DNM1: variants seen among roughly 807,000 people sequenced by gnomAD.
DNM1 encodes the protein dynamin 1, also known as dynamin-1.
DNM1 carries 29 observed loss-of-function variants against 104.6 expected under a neutral mutation model. The ratio of observed to expected loss-of-function variants is 0.28; its 90% CI spans 0.21 to 0.38. The LOEUF is 0.38. DNM1 is among the 10% of genes least tolerant of loss of function. The pLI is 1.00. For synonymous variants in DNM1, 445 were observed against 475.8 expected (o/e 0.94, Z 0.84); for missense variants, 640 against 1,189.4 (o/e 0.54, Z 6.79).
Position 128,218,583 on chromosome 9 carries a change from A to G in DNM1, c.237A>G (p.Glu79=). The G allele has an allele frequency of 6.2e-7, 1 of 1,610,062 alleles. No individual in the cohort carries two copies. Among genetic ancestry groups the G allele is most frequent in the Non-Finnish European group, 8.5e-7 (1 of 1,177,054 alleles). The part of the protein sequence containing the change: ...LVLQLVNATT[E]YAEFLHCKGK... ...TTCCCCTGCCCGCTTCTGGAGCAGA[A>G]TATGCCGAGTTCCTGCACTGCAAGG... is the stretch of plus-strand genomic sequence containing the variant. Residue 79 remains glutamate, a splice_region_variant and synonymous_variant, in exon 3 of 22, where the codon GAA becomes GAG. Coordinates refer to ENST00000372923, the MANE Select transcript of DNM1 (RefSeq NM_004408.4). This position sits in a 1 kb window ranked among gnomAD's most constrained non-coding sequence, Gnocchi z 4.8.
At chr9:128,213,230 C>T (rs563197908) in intron 1 of DNM1, among the ~76,000 whole-genome samples, 15 of 152,146 alleles carry the variant, frequency 9.9e-5, no homozygotes, top group South Asian at 8.3e-4. Context: ...TACAGGCGCA[C>T]GCCACCACAC....
intron 1 of DNM1, among the ~76,000 whole-genome samples, chr9:128,216,258 G>A (rs1313034276): frequency 6.6e-6 from 1 of 152,192 alleles, no homozygotes; most frequent in Admixed American, 6.5e-5. Flanking sequence ...TTGGGTTTGA[G>A]ACAGCACCAT....
At chr9:128,246,335 G>A in intron 15 of DNM1, 59 bp from the exon 16 acceptor site, 1 of 1,170,904 alleles carries the variant, frequency 8.5e-7, no homozygotes, top group Admixed American at 1.7e-5. Context: ...CTCTTAGAGA[G>A]TGAGGTGTGG....
chr9:128,205,237 C>A (rs1426241698), intron 1 of DNM1, among the ~76,000 whole-genome samples: 2 of 152,174 alleles, frequency 1.3e-5, no homozygotes, highest in Non-Finnish European at 2.9e-5. Flanking sequence ...AATGGAGAAA[C>A]CATATTCCTA....
In DNM1 at chr9:128,218,565, G is replaced by A. The variant is rs1167550931; in HGVS notation, c.236-17G>A. The A allele has an allele frequency of 1.2e-6, 2 of 1,602,026 alleles. No individual in the cohort carries two copies. The highest frequency in any genetic ancestry group is 2.2e-5 in the East Asian group (1 of 44,582). On this transcript the variant is annotated splice_polypyrimidine_tract_variant and intron_variant, in intron 2 of 21. Coordinates refer to ENST00000372923, the MANE Select transcript of DNM1 (RefSeq NM_004408.4). This position sits in a 1 kb window ranked among gnomAD's most constrained non-coding sequence, Gnocchi z 4.8. ...CCTTGATGCCTACTGCCCTTCCCCT[G>A]CCCGCTTCTGGAGCAGAATATGCCG... is the stretch of plus-strand genomic sequence containing the variant.
At position 128,220,267 on chromosome 9, in the gene DNM1, T is replaced by C. The variant is rs1431736054; in HGVS notation, c.775T>C (p.Phe259Leu). The C allele has an allele frequency of 1.2e-6, 2 of 1,614,128 alleles. No individual in the cohort carries two copies. The highest frequency in any genetic ancestry group is 2.7e-5 in the African/African-American group (2 of 74,948). Residue 259 changes from phenylalanine to leucine, a missense_variant, in exon 6 of 22, where the codon TTC becomes CTC. By Grantham distance (22) the Phe-to-Leu change is conservative. Coordinates refer to ENST00000372923, the MANE Select transcript of DNM1 (RefSeq NM_004408.4). The surrounding 1 kb of genome is among the most constrained non-coding windows in gnomAD (Gnocchi z 5.2). ...CGCCTTGGCTGCTGAACGAAAGTTC[T>C]TCCTCTCCCATCCATCTTATCGCCA... ...TAALAAERKF[F>L]LSHPSYRHLA...
Position 128,214,458 on chromosome 9 carries a change from G to T in DNM1, c.162-3773G>T, listed in dbSNP as rs945424813. 2.0e-5 allele frequency among the ~76,000 whole-genome samples: 3 copies of T among 152,262 alleles called. No individual in the cohort carries two copies. In the South Asian group the frequency reaches 6.2e-4, roughly 32 times the overall value. ...GAAGAATGACCGGCACTGGGTGCAC[G>T]CCCAGTTAAGCACGTTACTTCCTGG... On this transcript the variant is annotated intron_variant, in intron 1 of 21. Transcript: ENST00000372923.
In DNM1 at chr9:128,240,132, C is replaced by G; in HGVS notation, c.1557+136C>G. The stretch of plus-strand genomic sequence containing the variant: ...ACACACCAGCCCCTGGCATTTCACA[C>G]CTGCCCTCAGGCCAGAGGCAGGCCC... On this transcript the variant is annotated intron_variant, in intron 14 of 21. Coordinates refer to ENST00000372923, the MANE Select transcript of DNM1 (RefSeq NM_004408.4). The surrounding 1 kb of genome is among the most constrained non-coding windows in gnomAD (Gnocchi z 5.1). The G allele has an allele frequency of 9.4e-7, 1 of 1,059,722 alleles. No individual in the cohort carries two copies. The highest frequency in any genetic ancestry group is 1.4e-6 in the Non-Finnish European group (1 of 689,852). The allele number at this position is 1,059,722 out of a possible 1,614,324, so 65.6% of individuals were successfully genotyped here.
At chr9:128,236,949 A>G (rs1170359531) in intron 11 of DNM1, among the ~76,000 whole-genome samples, 1 of 152,220 alleles carries the variant, frequency 6.6e-6, no homozygotes, top group Non-Finnish European at 1.5e-5. Context: ...TCCAGATTCC[A>G]TCTTTATCCT....
chr9:128,247,359 C>A lies in DNM1; in HGVS notation c.1782-16C>A. ...GACTTTGCCCATCTGCCCTCACTGC[C>A]TGCCCTATCTTGCAGGAATGTCTAC... On this transcript the variant is annotated splice_polypyrimidine_tract_variant and intron_variant, in intron 16 of 21. Transcript: ENST00000372923. This position sits in a 1 kb window ranked among gnomAD's most constrained non-coding sequence, Gnocchi z 5.1. 6.3e-7 allele frequency: 1 copy of A among 1,589,742 alleles called. No homozygotes were observed. The highest frequency in any genetic ancestry group is 8.6e-7 in the Non-Finnish European group (1 of 1,160,542).
chr9:128,232,024 A>G (rs1305339855), intron 10 of DNM1: 5 of 456,544 alleles, frequency 1.1e-5, no homozygotes, highest in African/African-American at 2.0e-5. Context: ...GGCAGCCAGA[A>G]TGGAAAAAGA....
At chr9:128,237,628 A>G (rs1442164741) in intron 11 of DNM1, among the ~76,000 whole-genome samples, 1 of 151,898 alleles carries the variant, frequency 6.6e-6, no homozygotes, top group Non-Finnish European at 1.5e-5. Context: ...GTCATAATCT[A>G]TTTCACCCTC....
chr9:128,246,538 C>A (rs1166189367), intron 16 of DNM1, 35 bp downstream of exon 16: 2 of 1,497,464 alleles, frequency 1.3e-6, no homozygotes, highest in South Asian at 1.1e-5. Context: ...CTGCTGCAGC[C>A]CCAAAACCAC....
chr9:128,253,524 G>A lies in DNM1; in HGVS notation c.2535-1130G>A. 1 of 284,176 alleles carries A rather than the reference G, an allele frequency of 3.5e-6. No homozygotes were observed. The highest frequency in any genetic ancestry group is 2.2e-5 in the African/African-American group (1 of 45,836). The allele number at this position is 284,176 out of a possible 1,614,324, so 17.6% of individuals were successfully genotyped here. On this transcript the variant is annotated intron_variant, in intron 21 of 21. Transcript: ENST00000372923. This position sits in a 1 kb window ranked among gnomAD's most constrained non-coding sequence, Gnocchi z 5.9. ...GGACTCTGAGGCGGCCAGAGGCCTA[G>A]GAACGTTATCCTGGGCACACCGTGC...
In DNM1 at chr9:128,254,537, C is replaced by T. The variant is rs140400419; in HGVS notation, c.2535-117C>T. ...ACCCACACCTGCAGCCTCCCCTCCC[C>T]GGCCCTCCCACCACTGCTGCGGCGC... On this transcript the variant is annotated intron_variant, in intron 21 of 21. Transcript: ENST00000372923. The surrounding 1 kb of genome is among the most constrained non-coding windows in gnomAD (Gnocchi z 6.1). The T allele has an allele frequency of 5.1e-3, 7,971 of 1,552,520 alleles. 32 individuals carry two copies. The highest frequency in any genetic ancestry group is 5.7e-3 in the Non-Finnish European group (6,571 of 1,156,954).
intron 11 of DNM1, among the ~76,000 whole-genome samples, chr9:128,238,326 G>A (rs967542596): frequency 1.3e-5 from 2 of 152,182 alleles, no homozygotes; most frequent in South Asian, 2.1e-4. Flanking sequence ...CTGAGTTCAA[G>A]TGATTCCCCT....
chr9:128,231,283 A>G (rs920278345), intron 10 of DNM1, among the ~76,000 whole-genome samples: 4 of 122,540 alleles, frequency 3.3e-5, no homozygotes, highest in Admixed American at 3.1e-4. Context: ...GCTTACTGCA[A>G]CCTCCACCTC....
intron 19 of DNM1, among the ~76,000 whole-genome samples, chr9:128,249,872 G>A (rs1829408675): frequency 1.3e-5 from 2 of 152,120 alleles, no homozygotes; most frequent in Admixed American, 6.5e-5. Context: ...AGTTCTGGTG[G>A]CATGATAGGT....
rs1007639575 is a variant in DNM1 at position 128,245,168 on chromosome 9, C to T, written c.1672-1226C>T. On this transcript the variant is annotated intron_variant, in intron 15 of 21. Coordinates refer to ENST00000372923, the MANE Select transcript of DNM1 (RefSeq NM_004408.4). The surrounding 1 kb of genome is among the most constrained non-coding windows in gnomAD (Gnocchi z 5.2). ...TCCAGATGTTCCCTGGCCGTGTGTG[C>T]AACTTCCTCCTCTCCTCCCCCAGCC... 12 of 168,124 alleles carry T rather than the reference C, an allele frequency of 7.1e-5. No homozygotes were observed. Among genetic ancestry groups the T allele is most frequent in the Admixed American group, 6.8e-4 (12 of 17,738 alleles). The allele number at this position is 168,124 out of a possible 1,614,324, so 10.4% of individuals were successfully genotyped here.
Sources: allele counts gnomAD v4.1 joint callset (sites outside exome capture counted in the v4.1 genomes callset), GRCh38; gene constraint gnomAD v4.1.1; non-coding constraint Gnocchi (gnomAD v3.1); transcripts MANE v1.5; gene names NCBI Gene and HGNC (gene_info 2026-07-23, HGNC 2026-07-21).